PPP1R14D: variants seen among roughly 807,000 people sequenced by gnomAD.
PPP1R14D encodes protein phosphatase 1 regulatory subunit 14D.
PPP1R14D carries 14 observed loss-of-function variants against 17.1 expected under a neutral mutation model. That is an observed-to-expected ratio of 0.82 (90% CI 0.54 to 1.28). PPP1R14D has a LOEUF of 1.28. Ranked by LOEUF, PPP1R14D falls within the 50% of genes most tolerant of loss-of-function variation. The probability of loss-of-function intolerance (pLI) is 0.00; values close to 1 mark genes in which losing one functional copy is unlikely to be tolerated. For missense variants in PPP1R14D, 173 were observed against 179.2 expected (o/e 0.97, Z 0.20); for synonymous variants, 67 against 66.1 (o/e 1.01, Z -0.06).
In PPP1R14D at chr15:40,828,032, G is replaced by A. The variant is rs193257228; in HGVS notation, c.255+355C>T. On this transcript the variant is annotated intron_variant, in intron 1 of 3. Transcript: ENST00000299174. Reference sequence around the variant, plus strand: ...ACATGTATGTGCATTGAACATGGGAGTAAATAAAGATATAAAATTTTGAAA... The same window carrying A: ...ACATGTATGTGCATTGAACATGGGAATAAATAAAGATATAAAATTTTGAAA... Among the ~76,000 whole-genome samples, 475 of 152,288 alleles carry A rather than the reference G, an allele frequency of 3.1e-3. 3 individuals are homozygous for A. The highest frequency in any genetic ancestry group is 0.011 in the African/African-American group (452 of 41,574).
At position 40,815,796 on chromosome 15, in the gene PPP1R14D, G is replaced by A. The variant is rs369502844; in HGVS notation, c.373-35C>T. ...AAACAGGAGTGAGACCAGGCTTGGG[G>A]TCACAATTCACCCCCCACCCTGCCC... is the stretch of plus-strand genomic sequence containing the variant. On this transcript the variant is annotated intron_variant, in intron 3 of 3. Transcript: ENST00000299174. 1.5e-5 allele frequency: 23 copies of A among 1,566,114 alleles called. No homozygotes were observed. In the African/African-American group the frequency reaches 2.8e-4, roughly 19 times the overall value.
intron 1 of PPP1R14D, among the ~76,000 whole-genome samples, chr15:40,821,023 TA>T (rs1390836640): frequency 2.5e-4 from 29 of 118,126 alleles, no homozygotes; most frequent in Admixed American, 3.5e-4. Context: ...TCTTCTCCAT[TA>T]AAAAAAAAAT....
At chr15:40,822,834 G>A (rs1340827295) in intron 1 of PPP1R14D, among the ~76,000 whole-genome samples, 1 of 151,288 alleles carries the variant, frequency 6.6e-6, no homozygotes, top group Non-Finnish European at 1.5e-5. Context: ...TTTTTGAGTA[G>A]GGTCTCATTC....
intron 1 of PPP1R14D, among the ~76,000 whole-genome samples, chr15:40,825,619 T>A (rs1890857804): frequency 6.6e-6 from 1 of 152,206 alleles, no homozygotes; most frequent in Admixed American, 6.5e-5. Context: ...GGTGGGTATC[T>A]GGGGTAGAGC....
Position 40,828,594 on chromosome 15 carries a change from C to T in PPP1R14D, c.48G>A (p.Gly16=). The part of the protein sequence containing the change: ...PASCTSPSPD[G]ENPCKKVHWA... The stretch of plus-strand genomic sequence containing the variant: ...AGTGGACCTTCTTACATGGGTTCTC[C>T]CCATCTGGGCTGGGAGATGTGCAGG... The change falls in exon 1 of 4, where the codon GGG becomes GGA. Residue 16 remains glycine, a synonymous_variant. Coordinates refer to ENST00000299174, the MANE Select transcript of PPP1R14D (RefSeq NM_017726.8). The T allele has an allele frequency of 6.2e-7, 1 of 1,614,084 alleles. No individual in the cohort carries two copies. Among genetic ancestry groups the T allele is most frequent in the Non-Finnish European group, 8.5e-7 (1 of 1,179,968 alleles).
At chr15:40,822,548 G>T (rs1890798779) in intron 1 of PPP1R14D, among the ~76,000 whole-genome samples, 2 of 151,870 alleles carry the variant, frequency 1.3e-5, no homozygotes, top group East Asian at 3.9e-4. Context: ...CTGCCTCCCG[G>T]GTTCAAGTGA....
chr15:40,816,231 G>A lies in PPP1R14D; in HGVS notation c.278C>T (p.Pro93Leu). The change falls in exon 2 of 4, where the codon CCT becomes CTT. Residue 93 changes from proline (P) to leucine (L), a missense_variant. Transcript: ENST00000299174. ...LFQDQATPSE[P>L]EIDLEALMDL... is the part of the protein sequence containing the mutation. ...CATGAGAGCTTCCAGGTCAATCTCAGGCTCAGAAGGGGTTGCTTGATCCTA... is the reference window on the plus strand; with the variant it reads ...CATGAGAGCTTCCAGGTCAATCTCAAGCTCAGAAGGGGTTGCTTGATCCTA... 1.2e-6 allele frequency: 2 copies of A among 1,614,126 alleles called. No individual in the cohort carries two copies. The highest frequency in any genetic ancestry group is 1.7e-6 in the Non-Finnish European group (2 of 1,180,020).
At chr15:40,816,737 TA>T (rs1266042833) in intron 1 of PPP1R14D, among the ~76,000 whole-genome samples, 1 of 150,862 alleles carries the variant, frequency 6.6e-6, no homozygotes, top group Admixed American at 6.6e-5. Context: ...ATAAAAATAA[TA>T]AAAAAAGACA....
intron 1 of PPP1R14D, among the ~76,000 whole-genome samples, chr15:40,827,307 G>A (rs925748054): frequency 2.6e-5 from 4 of 151,912 alleles, no homozygotes; most frequent in African/African-American, 7.3e-5. Flanking sequence ...TCGAGAGTTC[G>A]AGACCAGCCT....
At chr15:40,828,285 A>G (rs1274816789) in intron 1 of PPP1R14D, 102 bp downstream of exon 1, 4 of 1,428,316 alleles carry the variant, frequency 2.8e-6, no homozygotes, top group Non-Finnish European at 9.4e-7. Flanking sequence ...CTTTCTCTTC[A>G]CGGAAGCACC....
At chr15:40,825,723 A>C (rs796855035) in intron 1 of PPP1R14D, among the ~76,000 whole-genome samples, 9 of 152,324 alleles carry the variant, frequency 5.9e-5, no homozygotes, top group African/African-American at 2.2e-4. Flanking sequence ...GATGACCAAC[A>C]ACCTGGGGCT....
chr15:40,824,722 T>C (rs1260656525), intron 1 of PPP1R14D, among the ~76,000 whole-genome samples: 2 of 152,156 alleles, frequency 1.3e-5, no homozygotes, highest in African/African-American at 4.8e-5. Context: ...TTCTAATTAA[T>C]AGAATTAAAA....
chr15:40,821,929 AAAAC>A (rs541600999), intron 1 of PPP1R14D, among the ~76,000 whole-genome samples: 18 of 152,282 alleles, frequency 1.2e-4, no homozygotes, highest in East Asian at 7.7e-4. Context: ...CTGTGTCTCA[AAAAC>A]AAACAAACAA....
At chr15:40,816,297 G>C (rs112790572) in intron 1 of PPP1R14D, 44 bp from the exon 2 acceptor site, 1 of 1,520,322 alleles carries the variant, frequency 6.6e-7, no homozygotes, top group Admixed American at 1.7e-5. Flanking sequence ...TGACCAGCTG[G>C]TGCTGGAATG....
At chr15:40,826,055 G>A (rs1890864427) in intron 1 of PPP1R14D, among the ~76,000 whole-genome samples, 1 of 152,196 alleles carries the variant, frequency 6.6e-6, no homozygotes, top group African/African-American at 2.4e-5. Flanking sequence ...AGTGGAGAGT[G>A]CTGGAATTAG....
chr15:40,827,197 C>A (rs141572337), intron 1 of PPP1R14D, among the ~76,000 whole-genome samples: 1 of 152,342 alleles, frequency 6.6e-6, no homozygotes, highest in Non-Finnish European at 1.5e-5. Flanking sequence ...CCACATGGGG[C>A]TATTTAACAC....
intron 1 of PPP1R14D, among the ~76,000 whole-genome samples, chr15:40,823,149 AG>A (rs1890810559): frequency 6.6e-6 from 1 of 151,776 alleles, no homozygotes; most frequent in South Asian, 2.1e-4. Context: ...TTTTTAGTAG[AG>A]ACGGGATTTC....
intron 1 of PPP1R14D, among the ~76,000 whole-genome samples, chr15:40,825,245 A>G (rs1354928545): frequency 1.3e-5 from 2 of 151,558 alleles, no homozygotes; most frequent in Non-Finnish European, 2.9e-5. Context: ...AGGTCATGCC[A>G]TTGTACTCCA....
At chr15:40,827,279 T>A (rs1251077578) in intron 1 of PPP1R14D, among the ~76,000 whole-genome samples, 1 of 150,144 alleles carries the variant, frequency 6.7e-6, no homozygotes, top group Admixed American at 6.6e-5. Flanking sequence ...GAGGCTGAGG[T>A]GGGCAGATCA....
Sources: allele counts gnomAD v4.1 joint callset (sites outside exome capture counted in the v4.1 genomes callset), GRCh38; gene constraint gnomAD v4.1.1; transcripts MANE v1.5; gene names NCBI Gene and HGNC (gene_info 2026-07-23, HGNC 2026-07-21).